The following KCNH1 variants were observed in gnomAD, a reference collection of about 807,000 sequenced individuals.
KCNH1 encodes voltage-gated delayed rectifier potassium channel KCNH1.
In KCNH1, 27 loss-of-function variants were observed where a neutral mutation model predicts 69.2. The ratio of observed to expected loss-of-function variants is 0.39; its 90% confidence interval spans 0.29 to 0.54. KCNH1 has a LOEUF of 0.54. Ranked by LOEUF, KCNH1 falls within the 20% of genes least tolerant of loss-of-function variation. KCNH1 has a pLI of 0.68. For synonymous variants in KCNH1, 456 were observed against 487.7 expected (o/e 0.93, Z 0.86); for missense variants, 798 against 1,261.6 (o/e 0.63, Z 5.57).
chr1:211,065,082 C>T (rs34458871), intron 5 of KCNH1, among the ~76,000 whole-genome samples: 13 of 152,254 alleles, frequency 8.5e-5, no homozygotes, highest in Non-Finnish European at 1.6e-4. Context: ...ACAGAGGTTC[C>T]TCAAAATATT....
chr1:211,007,009 G>C (rs967058965), intron 6 of KCNH1, among the ~76,000 whole-genome samples: 2 of 151,946 alleles, frequency 1.3e-5, no homozygotes, highest in Admixed American at 1.3e-4. Context: ...TAAAATCATG[G>C]GCAATCCTTA....
intron 10 of KCNH1, among the ~76,000 whole-genome samples, chr1:210,724,196 T>C (rs993100412): frequency 6.6e-6 from 1 of 152,232 alleles, no homozygotes; most frequent in African/African-American, 2.4e-5. Flanking sequence ...AAAGTGATTC[T>C]CTTAGTAGAG....
intron 7 of KCNH1, among the ~76,000 whole-genome samples, chr1:210,854,446 C>T (rs1252194297): frequency 1.3e-5 from 2 of 152,194 alleles, no homozygotes; most frequent in South Asian, 2.1e-4. Context: ...AAACCTACAA[C>T]CAAAGGCACG....
At chr1:210,856,310 C>T (rs1685836767) in intron 7 of KCNH1, among the ~76,000 whole-genome samples, 1 of 152,126 alleles carries the variant, frequency 6.6e-6, no homozygotes, top group South Asian at 2.1e-4. Flanking sequence ...GCCAAAAGAA[C>T]CAGAAACAGC....
chr1:210,967,991 A>G (rs970629226), intron 6 of KCNH1, among the ~76,000 whole-genome samples: 2 of 152,084 alleles, frequency 1.3e-5, no homozygotes, highest in African/African-American at 4.8e-5. Flanking sequence ...AGCATTAGAT[A>G]TATCTCCCGA....
chr1:211,022,604 C>A (rs1689606140), intron 5 of KCNH1, among the ~76,000 whole-genome samples: 1 of 151,910 alleles, frequency 6.6e-6, no homozygotes, highest in Non-Finnish European at 1.5e-5. Flanking sequence ...CTAGAATATA[C>A]AAGGAATTCA....
intron 9 of KCNH1, among the ~76,000 whole-genome samples, chr1:210,779,508 C>G (rs529478689): frequency 6.6e-6 from 1 of 152,226 alleles, no homozygotes; most frequent in South Asian, 2.1e-4. Context: ...ATCAGAAGCC[C>G]GGACAAGCAC....
chr1:210,970,197 A>G (rs1040184209), intron 6 of KCNH1, among the ~76,000 whole-genome samples: 1 of 151,818 alleles, frequency 6.6e-6, no homozygotes, highest in African/African-American at 2.4e-5. Flanking sequence ...TGCTGCACCT[A>G]TTAACCTGTC....
chr1:210,934,515 T>G (rs1489020316), intron 6 of KCNH1, among the ~76,000 whole-genome samples: 1 of 152,146 alleles, frequency 6.6e-6, no homozygotes, highest in Admixed American at 6.5e-5. Flanking sequence ...GGCTTGCGCC[T>G]GTAGTCCCAG....
At chr1:210,797,178 G>A (rs945037623) in intron 9 of KCNH1, among the ~76,000 whole-genome samples, 4 of 152,080 alleles carry the variant, frequency 2.6e-5, no homozygotes, top group Non-Finnish European at 5.9e-5. Flanking sequence ...TTTAGCATAG[G>A]TACAGGAAGC....
chr1:210,955,572 T>A (rs1376164114), intron 6 of KCNH1, among the ~76,000 whole-genome samples: 3 of 152,220 alleles, frequency 2.0e-5, no homozygotes, highest in African/African-American at 7.2e-5. Context: ...TCCTCTTTTA[T>A]TTCAGTAAGC....
At chr1:210,851,697 G>C (rs1685709327) in intron 7 of KCNH1, among the ~76,000 whole-genome samples, 1 of 152,196 alleles carries the variant, frequency 6.6e-6, no homozygotes, top group African/African-American at 2.4e-5. Context: ...GGTATAGCCT[G>C]TTGCTCCTAG....
intron 6 of KCNH1, among the ~76,000 whole-genome samples, chr1:210,936,773 C>G (rs1188154230): frequency 6.6e-6 from 1 of 152,118 alleles, no homozygotes; most frequent in African/African-American, 2.4e-5. Flanking sequence ...ATTCTTTGAC[C>G]TCCTCATTGC....
At chr1:211,086,968 T>C (rs1400314361) in intron 4 of KCNH1, among the ~76,000 whole-genome samples, 1 of 152,126 alleles carries the variant, frequency 6.6e-6, no homozygotes, top group African/African-American at 2.4e-5. Context: ...TCCTTACCAA[T>C]GTATAAAGAA....
intron 10 of KCNH1, among the ~76,000 whole-genome samples, chr1:210,753,722 T>A (rs1683331354): frequency 6.6e-6 from 1 of 152,182 alleles, no homozygotes; most frequent in South Asian, 2.1e-4. Context: ...ACATGTACTT[T>A]CTATTCTCCC....
chr1:210,823,909 C>T (rs769778448), intron 7 of KCNH1, among the ~76,000 whole-genome samples: 2 of 152,154 alleles, frequency 1.3e-5, no homozygotes, highest in Non-Finnish European at 2.9e-5. Flanking sequence ...TGAAGCCCAT[C>T]TGAACTGTGC....
chr1:211,111,288 C>T (rs757953102), intron 1 of KCNH1, among the ~76,000 whole-genome samples: 9 of 152,144 alleles, frequency 5.9e-5, no homozygotes, highest in African/African-American at 1.7e-4. Context: ...CCAAACCCAC[C>T]GCCTCTGCCC....
At chr1:210,962,588 AT>A (rs1383284431) in intron 6 of KCNH1, among the ~76,000 whole-genome samples, 1 of 152,022 alleles carries the variant, frequency 6.6e-6, no homozygotes, top group Non-Finnish European at 1.5e-5. Context: ...ACTATAGTTT[AT>A]TCATTTTTAG....
intron 6 of KCNH1, among the ~76,000 whole-genome samples, chr1:210,974,962 C>T (rs1333603982): frequency 6.6e-6 from 1 of 152,114 alleles, no homozygotes; most frequent in African/African-American, 2.4e-5. Flanking sequence ...GCTTTATACA[C>T]ACTTACATCC....
Sources: gnomAD v4.1 joint callset for allele counts (sites outside exome capture counted in the v4.1 genomes callset) on GRCh38, gnomAD v4.1.1 for gene constraint, MANE v1.5 for transcripts, NCBI Gene and HGNC (gene_info 2026-07-23, HGNC 2026-07-21) for gene names.